The following TRIM2 variants were observed in gnomAD, a reference collection of about 807,000 sequenced individuals.
The protein encoded by TRIM2 is tripartite motif-containing protein 2.
In TRIM2, 20 loss-of-function variants were observed where a neutral mutation model predicts 75.2. That is an observed-to-expected ratio of 0.27 (90% CI 0.19 to 0.39). The LOEUF (loss-of-function observed/expected upper bound fraction) is 0.39, where lower values mean the gene tolerates loss of function less well. Among genes scored for constraint, TRIM2 ranks in the 10% least tolerant of loss-of-function variants. The pLI is 1.00. For missense variants in TRIM2, 660 were observed against 990.8 expected (o/e 0.67, Z 4.48); for synonymous variants, 373 against 388.3 (o/e 0.96, Z 0.46).
At chr4:153,176,637 G>A (rs1579329997) in intron 1 of TRIM2, among the ~76,000 whole-genome samples, 1 of 141,594 alleles carries the variant, frequency 7.1e-6, no homozygotes, top group South Asian at 2.3e-4. Context: ...TTGTGACAGA[G>A]TCTCACTCTG....
chr4:153,257,879 T>C (rs1043972708), intron 1 of TRIM2: 1 of 314,544 alleles, frequency 3.2e-6, no homozygotes, highest in African/African-American at 2.2e-5. Flanking sequence ...CTGCATCCTC[T>C]GTAGCTGTAA....
chr4:153,177,241 G>A (rs1731537120), intron 1 of TRIM2, among the ~76,000 whole-genome samples: 1 of 152,264 alleles, frequency 6.6e-6, no homozygotes, highest in East Asian at 1.9e-4. Context: ...TTCTCTGAAA[G>A]TTGTCACTCA....
At chr4:153,264,690 CT>C (rs1754464116) in intron 1 of TRIM2, among the ~76,000 whole-genome samples, 1 of 152,198 alleles carries the variant, frequency 6.6e-6, no homozygotes, top group Non-Finnish European at 1.5e-5. Flanking sequence ...CATATTCGGA[CT>C]GATTCAGACT....
intron 1 of TRIM2, among the ~76,000 whole-genome samples, chr4:153,214,963 C>T (rs1738080539): frequency 6.6e-6 from 1 of 152,178 alleles, no homozygotes; most frequent in African/African-American, 2.4e-5. Context: ...AGAAAATCTA[C>T]AACGATCAGT....
intron 1 of TRIM2, among the ~76,000 whole-genome samples, chr4:153,216,885 G>C (rs940524247): frequency 6.6e-6 from 1 of 152,118 alleles, no homozygotes; most frequent in South Asian, 2.1e-4. Context: ...ACTTCCTAAA[G>C]GCACCAACCT....
In TRIM2 at chr4:153,337,448, G is replaced by C; in HGVS notation, c.*2482G>C. 1.0e-6 allele frequency: 1 copy of C among 985,786 alleles called. No individual in the cohort carries two copies. The highest frequency in any genetic ancestry group is 1.2e-6 in the Non-Finnish European group (1 of 829,922). The allele number at this position is 985,786 out of a possible 1,614,324, so 61.1% of individuals were successfully genotyped here. A position where few individuals can be genotyped will look rare whatever the true frequency, so the allele number is the denominator to read the frequency against. Reference sequence around the variant, plus strand: ...TGGAATGAAAGAATAGTTTGATTCAGACCTGCTCCACTATGTGTTGCTAAA... The same window carrying C: ...TGGAATGAAAGAATAGTTTGATTCACACCTGCTCCACTATGTGTTGCTAAA... On this transcript the variant is annotated 3_prime_UTR_variant, in exon 12 of 12. Coordinates refer to ENST00000338700, the MANE Select transcript of TRIM2 (RefSeq NM_015271.5).
intron 1 of TRIM2, among the ~76,000 whole-genome samples, chr4:153,155,134 C>T (rs1319859179): frequency 2.6e-5 from 4 of 151,754 alleles, no homozygotes; most frequent in South Asian, 2.1e-4. Flanking sequence ...GGTGAGACTC[C>T]GTCTCAAAAA....
At position 153,248,645 on chromosome 4, in the gene TRIM2, GAT is replaced by G. The variant is rs1273576593; in HGVS notation, c.31-21687_31-21686del. ...GCAACCTGCAGATAAAGCAAATCCA[GAT>G]ATGTCTCCAGAGCCCGTGCCTTAAT... On this transcript the variant is annotated intron_variant, in intron 1 of 11. Transcript: ENST00000338700. This position sits in a 1 kb window ranked among gnomAD's most constrained non-coding sequence, Gnocchi z 4.0. Among the ~76,000 whole-genome samples the G allele has an allele frequency of 6.6e-6, 1 of 152,216 alleles. No homozygotes were observed. The highest frequency in any genetic ancestry group is 1.5e-5 in the Non-Finnish European group (1 of 68,040).
At chr4:153,266,129 T>C (rs1223440238) in intron 1 of TRIM2, among the ~76,000 whole-genome samples, 1 of 152,210 alleles carries the variant, frequency 6.6e-6, no homozygotes, top group African/African-American at 2.4e-5. Context: ...GACACTCTTG[T>C]ATAGCAGGTG....
chr4:153,195,897 C>T (rs553429751), intron 1 of TRIM2, among the ~76,000 whole-genome samples: 21 of 152,118 alleles, frequency 1.4e-4, no homozygotes, highest in Admixed American at 2.6e-4. Context: ...CTGCAACCTC[C>T]GCCTCCAAGA....
intron 1 of TRIM2, among the ~76,000 whole-genome samples, chr4:153,161,981 A>G (rs557618856): frequency 6.6e-6 from 1 of 152,322 alleles, no homozygotes; most frequent in East Asian, 1.9e-4. Flanking sequence ...CCGAAATGAA[A>G]TTCGTGTGTA....
At chr4:153,235,688 C>T (rs1373891933) in intron 1 of TRIM2, among the ~76,000 whole-genome samples, 13 of 152,140 alleles carry the variant, frequency 8.5e-5, no homozygotes, top group Admixed American at 7.2e-4. Context: ...TTAAAGAAGG[C>T]TCAATTCACC....
chr4:153,319,691 T>C (rs1354466861), intron 8 of TRIM2, among the ~76,000 whole-genome samples: 1 of 151,866 alleles, frequency 6.6e-6, no homozygotes, highest in East Asian at 1.9e-4. Flanking sequence ...GATTGCGCCA[T>C]TGCACTCCAG....
chr4:153,281,775 A>G (rs1049140371), intron 3 of TRIM2, among the ~76,000 whole-genome samples: 2 of 152,230 alleles, frequency 1.3e-5, no homozygotes, highest in African/African-American at 4.8e-5. Flanking sequence ...AAAAAGAAAA[A>G]TAATGGTCAG....
At chr4:153,201,817 T>A (rs1423034822), upstream of TRIM2, among the ~76,000 whole-genome samples, 5 of 152,236 alleles carry the variant, frequency 3.3e-5, no homozygotes, top group Non-Finnish European at 5.9e-5. Flanking sequence ...CTAACACTTG[T>A]GAAGGCTATG....
At chr4:153,234,557 A>G (rs1744515157) in intron 1 of TRIM2, among the ~76,000 whole-genome samples, 2 of 152,240 alleles carry the variant, frequency 1.3e-5, no homozygotes, top group Non-Finnish European at 2.9e-5. Context: ...TGGAAACTGA[A>G]TGTAGAAGTA....
At chr4:153,266,096 T>A (rs767277729) in intron 1 of TRIM2, among the ~76,000 whole-genome samples, 24 of 152,230 alleles carry the variant, frequency 1.6e-4, no homozygotes, top group Non-Finnish European at 3.1e-4. Context: ...CGTTTAACTA[T>A]GCAGTGAGTT....
At chr4:153,219,231 G>C (rs1341534899) in intron 1 of TRIM2, among the ~76,000 whole-genome samples, 3 of 152,118 alleles carry the variant, frequency 2.0e-5, no homozygotes, top group African/African-American at 7.2e-5. Context: ...CAAAGTTTCA[G>C]AGTGCCATGC....
At chr4:153,244,355 C>CTTCTTCTTCTTCCTCTTCT (rs1748079616) in intron 1 of TRIM2, among the ~76,000 whole-genome samples, 1 of 12,704 alleles carries the variant, frequency 7.9e-5, no homozygotes, top group Admixed American at 8.1e-4. Flanking sequence ...CTTCTTCTTC[C>CTTCTTCTTCTTCCTCTTCT]TCTTCTTCTT....
Sources: gnomAD v4.1 joint callset for allele counts (sites outside exome capture counted in the v4.1 genomes callset) on GRCh38, gnomAD v4.1.1 for gene constraint, Gnocchi (gnomAD v3.1) non-coding constraint, MANE v1.5 for transcripts, NCBI Gene and HGNC (gene_info 2026-07-23, HGNC 2026-07-21) for gene names.